The following AGBL4 variants were observed in gnomAD, a reference collection of about 807,000 sequenced individuals.
The protein encoded by AGBL4 is cytosolic carboxypeptidase 6.
Under a neutral mutation model 66.4 loss-of-function variants are expected in AGBL4, and 58 were observed. That is an observed-to-expected ratio of 0.87 (90% CI 0.71 to 1.09). The LOEUF (loss-of-function observed/expected upper bound fraction) is 1.09. Ranked by LOEUF, AGBL4 falls within the 50% of genes least tolerant of loss-of-function variation. The probability of loss-of-function intolerance (pLI) is 0.00; values close to 1 mark genes in which losing one functional copy is unlikely to be tolerated. For synonymous variants in AGBL4, 234 were observed against 222.9 expected, an observed-to-expected ratio of 1.05 and a Z score of -0.44; for missense variants, 579 against 631.0, an observed-to-expected ratio of 0.92 and a Z score of 0.88.
chr1:48,826,775 C>T (rs1425842132), intron 6 of AGBL4, among the ~76,000 whole-genome samples: 1 of 152,188 alleles, frequency 6.6e-6, no homozygotes, highest in Admixed American at 6.5e-5. Flanking sequence ...CTTCTGAACC[C>T]TAAAAGACTT....
At chr1:49,058,000 G>C (rs1644336771) in intron 4 of AGBL4, among the ~76,000 whole-genome samples, 1 of 152,146 alleles carries the variant, frequency 6.6e-6, no homozygotes, top group African/African-American at 2.4e-5. Context: ...GCAGAGCTGG[G>C]TAGGGATGGG....
At chr1:49,585,732 A>C (rs1644635511) in intron 3 of AGBL4, among the ~76,000 whole-genome samples, 1 of 152,226 alleles carries the variant, frequency 6.6e-6, no homozygotes, top group South Asian at 2.1e-4. Flanking sequence ...AATTTGTGAC[A>C]ACTTATTACA....
intron 3 of AGBL4, among the ~76,000 whole-genome samples, chr1:49,581,854 A>G (rs1644548282): frequency 6.6e-6 from 1 of 152,116 alleles, no homozygotes; most frequent in African/African-American, 2.4e-5. Context: ...TAGTAGTGCT[A>G]TACGAGGCAA....
intron 5 of AGBL4, among the ~76,000 whole-genome samples, chr1:48,985,372 AG>A (rs2148970248): frequency 6.6e-6 from 1 of 152,258 alleles, no homozygotes; most frequent in African/African-American, 2.4e-5. Flanking sequence ...AGCTTTGCCA[AG>A]GGTTCTCCTT....
chr1:49,422,974 A>G (rs1645577048), intron 3 of AGBL4: 1 of 152,226 alleles, frequency 6.6e-6, no homozygotes, highest in African/African-American at 2.4e-5. Context: ...GTTAGATAAG[A>G]CTATGAACCA....
At chr1:48,914,153 C>G (rs1653388503) in intron 5 of AGBL4, among the ~76,000 whole-genome samples, 1 of 152,098 alleles carries the variant, frequency 6.6e-6, no homozygotes. Context: ...GAGAAGGCAG[C>G]CTAGGACGGA....
chr1:48,731,028 C>G (rs1301488791), intron 6 of AGBL4, among the ~76,000 whole-genome samples: 2 of 152,078 alleles, frequency 1.3e-5, no homozygotes, highest in African/African-American at 4.8e-5. Flanking sequence ...ATTTTAAAAT[C>G]AAAGAGAAGA....
intron 3 of AGBL4, among the ~76,000 whole-genome samples, chr1:49,561,394 T>G (rs988698688): frequency 6.6e-6 from 1 of 151,890 alleles, no homozygotes; most frequent in Non-Finnish European, 1.5e-5. Context: ...GCCATGTTGG[T>G]GTGCTGCACC....
intron 3 of AGBL4, among the ~76,000 whole-genome samples, chr1:49,288,811 T>A (rs2148422244): frequency 6.6e-6 from 1 of 152,296 alleles, no homozygotes. Context: ...AACATATACC[T>A]GAATTGATAT....
Position 48,533,978 on chromosome 1 carries a change from G to T in AGBL4, c.*195C>A. Reference sequence around the variant, plus strand: ...CCTATTTTGTTCCTGAGCTTTTTGAGCTGAAGGCTTACAATTGATTTTCCA... The same window carrying T: ...CCTATTTTGTTCCTGAGCTTTTTGATCTGAAGGCTTACAATTGATTTTCCA... On this transcript the variant is annotated 3_prime_UTR_variant, in exon 14 of 14. Transcript: ENST00000371839. The T allele has an allele frequency of 1.2e-6, 1 of 862,566 alleles. No individual in the cohort carries two copies. Among genetic ancestry groups the T allele is most frequent in the South Asian group, 1.6e-5 (1 of 60,712 alleles). 53.4% of individuals were successfully genotyped at this position (862,566 alleles called of 1,614,324 possible). A position where few individuals can be genotyped will look rare whatever the true frequency, so the allele number is the denominator to read the frequency against.
Position 49,284,085 on chromosome 1 carries a change from A to C in AGBL4, c.283-38221T>G, listed in dbSNP as rs575622518. ...ATAATTGTCAGATTCACCAAAGTTG[A>C]AATGAAGGAAAAAATGTTAAGGGAA... On this transcript the variant is annotated intron_variant, in intron 3 of 13. Transcript: ENST00000371839. Among the ~76,000 whole-genome samples the C allele has an allele frequency of 5.7e-3, 872 of 151,952 alleles. 8 individuals are homozygous for C. Among genetic ancestry groups the C allele is most frequent in the South Asian group, 0.024 (114 of 4,786 alleles).
intron 3 of AGBL4, among the ~76,000 whole-genome samples, chr1:49,309,846 T>C (rs909227916): frequency 9.2e-5 from 14 of 152,124 alleles, no homozygotes; most frequent in Non-Finnish European, 4.4e-5. Context: ...CCTGCATATA[T>C]CATGTACTAT....
At chr1:49,693,863 T>G (rs1201710304) in intron 3 of AGBL4, among the ~76,000 whole-genome samples, 1 of 152,272 alleles carries the variant, frequency 6.6e-6, no homozygotes, top group Non-Finnish European at 1.5e-5. Flanking sequence ...ACATTTCCAC[T>G]AAGAATATTT....
chr1:49,859,219 G>C (rs1454552813), intron 1 of AGBL4, among the ~76,000 whole-genome samples: 1 of 152,162 alleles, frequency 6.6e-6, no homozygotes, highest in East Asian at 1.9e-4. Flanking sequence ...AGAACATTAT[G>C]AACAATGTTA....
intron 3 of AGBL4, among the ~76,000 whole-genome samples, chr1:49,572,305 C>T (rs1644347523): frequency 6.6e-6 from 1 of 152,106 alleles, no homozygotes; most frequent in African/African-American, 2.4e-5. Flanking sequence ...AAGAGGCTGT[C>T]CATTTCTAAG....
chr1:49,405,692 T>G (rs1645181067), intron 3 of AGBL4, among the ~76,000 whole-genome samples: 1 of 152,190 alleles, frequency 6.6e-6, no homozygotes, highest in African/African-American at 2.4e-5. Context: ...TATCTAAAAC[T>G]TGCCAAAATT....
chr1:48,731,896 G>A (rs6668399), intron 6 of AGBL4, among the ~76,000 whole-genome samples: 70,120 of 151,972 alleles, frequency 0.46, 17,958 homozygotes, highest in Middle Eastern at 0.67. Flanking sequence ...GGGATATCTG[G>A]TTTCTGAAGA....
At position 49,045,636 on chromosome 1, in the gene AGBL4, A is replaced by G; in HGVS notation, c.542T>C (p.Leu181Pro). 1 of 1,599,558 alleles carries G rather than the reference A, an allele frequency of 6.3e-7. No individual in the cohort carries two copies. Among genetic ancestry groups the G allele is most frequent in the Non-Finnish European group, 8.5e-7 (1 of 1,172,450 alleles). ...GAAGTAATCCATGTTTCTCTTTTGC[A>G]GGCTGTCAAGGTAATGTTGGAAGCG... Reference protein sequence around the residue: ...YTRFQHYLDSLQKRNMDYFFR... With the variant: ...YTRFQHYLDSPQKRNMDYFFR... Residue 181 changes from leucine to proline, a missense_variant, in exon 5 of 14, where the codon CTG becomes CCG. Transcript: ENST00000371839.
At chr1:49,700,982 G>T (rs891456004) in intron 2 of AGBL4, among the ~76,000 whole-genome samples, 2 of 152,012 alleles carry the variant, frequency 1.3e-5, no homozygotes, top group African/African-American at 4.8e-5. Flanking sequence ...GTGAAAGTTT[G>T]ATACTTTGAA....
Sources: allele counts gnomAD v4.1 joint callset (sites outside exome capture counted in the v4.1 genomes callset), GRCh38; gene constraint gnomAD v4.1.1; transcripts MANE v1.5; gene names NCBI Gene and HGNC (gene_info 2026-07-23, HGNC 2026-07-21).